Variants in PIK3C2A observed in about 807,000 individuals in gnomAD.
The protein encoded by PIK3C2A is phosphatidylinositol 4-phosphate 3-kinase C2 domain-containing subunit alpha.
A neutral mutation model predicts 204.5 loss-of-function variants in PIK3C2A; 97 were observed. The observed-to-expected ratio is 0.47, with a 90% CI of 0.40 to 0.56. The LOEUF (loss-of-function observed/expected upper bound fraction) is 0.56, where lower values mean the gene tolerates loss of function less well. PIK3C2A is among the 20% of genes least tolerant of loss of function. The pLI is 0.00. For synonymous variants in PIK3C2A, 653 were observed against 664.4 expected (o/e 0.98, Z 0.26); for missense variants, 1,735 against 1,969.2 (o/e 0.88, Z 2.25).
At chr11:17,201,571 T>C (rs2137584605) in intron 1 of PIK3C2A, among the ~76,000 whole-genome samples, 1 of 151,074 alleles carries the variant, frequency 6.6e-6, no homozygotes, top group South Asian at 2.1e-4. Flanking sequence ...AAGAAAAGCT[T>C]TCCCTAAACC....
chr11:17,168,974 T>C lies in PIK3C2A; in HGVS notation c.768A>G (p.Leu256=). 1.9e-6 allele frequency: 3 copies of C among 1,613,958 alleles called. No homozygotes were observed. The highest frequency in any genetic ancestry group is 2.5e-6 in the Non-Finnish European group (3 of 1,179,984). ...LEITDSKVSN[L]QVSPKSEDIS... ...TATCCTCAGACTTTGGAGATACCTG[T>C]AGATTGCTGACTTTTGAATCTGTTA... The change falls in exon 2 of 33, where the codon CTA becomes CTG. Residue 256 remains leucine, a synonymous_variant. Coordinates refer to ENST00000691414, the MANE Select transcript of PIK3C2A (RefSeq NM_002645.4).
chr11:17,117,421 A>T (rs1388058876), intron 19 of PIK3C2A, 70 bp downstream of exon 19: 4 of 1,016,560 alleles, frequency 3.9e-6, no homozygotes, highest in Middle Eastern at 2.4e-4. Context: ...ATAGCAACTT[A>T]ATTAGTCAGC....
At chr11:17,135,931 T>C (rs1487517303) in intron 9 of PIK3C2A, among the ~76,000 whole-genome samples, 1 of 152,142 alleles carries the variant, frequency 6.6e-6, no homozygotes, top group African/African-American at 2.4e-5. Context: ...AAGATATAAA[T>C]GTCTCTATGA....
chr11:17,091,978 GA>G lies in PIK3C2A; in HGVS notation c.4642+17del, dbSNP rs754560320. 2.5e-5 allele frequency: 38 copies of G among 1,535,726 alleles called. No individual in the cohort carries two copies. The highest frequency in any genetic ancestry group is 1.9e-4 in the Middle Eastern group (1 of 5,190). Reference sequence around the variant, plus strand: ...GCAGATCATGAGTTACCAATAAAGAGAAAAAAAATAATCTCACCTGCAGACC... The same window carrying G: ...GCAGATCATGAGTTACCAATAAAGAGAAAAAAATAATCTCACCTGCAGACC... On this transcript the variant is annotated intron_variant, in intron 30 of 32. Transcript: ENST00000691414.
At chr11:17,127,701 T>C (rs1590938577) in intron 13 of PIK3C2A, among the ~76,000 whole-genome samples, 1 of 152,146 alleles carries the variant, frequency 6.6e-6, no homozygotes, top group Non-Finnish European at 1.5e-5. Flanking sequence ...TGTCAACAGA[T>C]GATTACTGGC....
At chr11:17,145,836 C>G (rs1251638610) in intron 7 of PIK3C2A, 27 bp downstream of exon 7, 3 of 1,599,048 alleles carry the variant, frequency 1.9e-6, no homozygotes, top group Non-Finnish European at 2.6e-6. Flanking sequence ...GTCTGAAAAC[C>G]TGCAATTAAT....
At chr11:17,173,482 G>C (rs759468764) in intron 1 of PIK3C2A, among the ~76,000 whole-genome samples, 1 of 152,188 alleles carries the variant, frequency 6.6e-6, no homozygotes, top group Non-Finnish European at 1.5e-5. Flanking sequence ...CCAGAAGAAA[G>C]CAGAGCTAAG....
intron 12 of PIK3C2A, among the ~76,000 whole-genome samples, chr11:17,130,448 C>T (rs1048600473): frequency 1.3e-5 from 2 of 151,962 alleles, no homozygotes; most frequent in Non-Finnish European, 2.9e-5. Context: ...AAATGTGGAA[C>T]GAATAGTAAA....
At chr11:17,102,221 G>C (rs1388104032) in intron 24 of PIK3C2A, among the ~76,000 whole-genome samples, 1 of 152,088 alleles carries the variant, frequency 6.6e-6, no homozygotes, top group Non-Finnish European at 1.5e-5. Context: ...TAGATCACTT[G>C]GTCAGGAGAT....
chr11:17,202,889 T>A (rs907514043), intron 1 of PIK3C2A, among the ~76,000 whole-genome samples: 1 of 152,180 alleles, frequency 6.6e-6, no homozygotes, highest in Non-Finnish European at 1.5e-5. Context: ...ACATCAGTCA[T>A]ATCAATAATG....
chr11:17,205,347 G>A (rs186566510), intron 1 of PIK3C2A, among the ~76,000 whole-genome samples: 2 of 150,706 alleles, frequency 1.3e-5, no homozygotes, highest in East Asian at 2.0e-4. Flanking sequence ...AGCGGCACAC[G>A]CCTGTAGTCC....
At chr11:17,204,757 G>C (rs1852506376) in intron 1 of PIK3C2A, among the ~76,000 whole-genome samples, 3 of 152,194 alleles carry the variant, frequency 2.0e-5, no homozygotes, top group South Asian at 4.1e-4. Flanking sequence ...AGCTTTGAGA[G>C]GGTTAATTTT....
chr11:17,187,495 T>G (rs1851794225), intron 1 of PIK3C2A, among the ~76,000 whole-genome samples: 1 of 152,164 alleles, frequency 6.6e-6, no homozygotes, highest in South Asian at 2.1e-4. Flanking sequence ...TCAGAACACT[T>G]TCATCACCCC....
chr11:17,171,980 C>G (rs1315811047), intron 1 of PIK3C2A, among the ~76,000 whole-genome samples: 3 of 152,066 alleles, frequency 2.0e-5, no homozygotes, highest in Admixed American at 6.5e-5. Flanking sequence ...TGTGATTAGA[C>G]AGGTATAGAA....
At chr11:17,102,457 AAAC>A (rs377633344) in intron 24 of PIK3C2A, among the ~76,000 whole-genome samples, 7 of 152,180 alleles carry the variant, frequency 4.6e-5, no homozygotes, top group Non-Finnish European at 8.8e-5. Flanking sequence ...CAAAAGAACA[AAAC>A]AACAACAACA....
Position 17,097,139 on chromosome 11 carries a change from G to A in PIK3C2A, c.4244C>T (p.Thr1415Ile). 1 of 1,609,478 alleles carries A rather than the reference G, an allele frequency of 6.2e-7. No individual in the cohort carries two copies. Among genetic ancestry groups the A allele is most frequent in the Non-Finnish European group, 8.5e-7 (1 of 1,175,774 alleles). The stretch of plus-strand genomic sequence containing the variant: ...TCGACCATCTTGTCTAAAGGAGTAT[G>A]TTTTAGGTGAAAATGAAAGGATGGG... ...DEPILSFSPK[T>I]YSFRQDGRIK... The change falls in exon 27 of 33, where the codon ACA becomes ATA. Residue 1415 changes from threonine to isoleucine, a missense_variant. Transcript: ENST00000691414.
intron 9 of PIK3C2A, among the ~76,000 whole-genome samples, chr11:17,135,680 TG>T (rs1849848303): frequency 7.2e-3 from 1 of 138 alleles, no homozygotes; most frequent in Non-Finnish European, 0.022. Flanking sequence ...TTCATATATG[TG>T]TGTGTGTGTG....
chr11:17,187,273 A>G (rs1280938078), intron 1 of PIK3C2A, among the ~76,000 whole-genome samples: 1 of 152,196 alleles, frequency 6.6e-6, no homozygotes, highest in Non-Finnish European at 1.5e-5. Flanking sequence ...AGAGTATCCT[A>G]AGGAGGAAAT....
chr11:17,102,307 G>C (rs1848662616), intron 24 of PIK3C2A, among the ~76,000 whole-genome samples: 1 of 152,034 alleles, frequency 6.6e-6, no homozygotes, highest in African/African-American at 2.4e-5. Flanking sequence ...CGTGGTGGCG[G>C]GCGCCTGTAG....
Sources: allele counts gnomAD v4.1 joint callset (sites outside exome capture counted in the v4.1 genomes callset), GRCh38; gene constraint gnomAD v4.1.1; transcripts MANE v1.5; gene names NCBI Gene and HGNC (gene_info 2026-07-23, HGNC 2026-07-21).